The following PCDH15 variants were observed in gnomAD, a reference collection of about 807,000 sequenced individuals.
PCDH15 encodes the protein protocadherin-15.
PCDH15 carries 129 observed loss-of-function variants against 178.5 expected under a neutral mutation model. The observed-to-expected ratio is 0.72, with a 90% CI of 0.63 to 0.84. The LOEUF is 0.84. Among genes scored for constraint, PCDH15 ranks in the 40% least tolerant of loss-of-function variants. The pLI is 0.00. For missense variants in PCDH15, 2,230 were observed against 2,099.9 expected, an observed-to-expected ratio of 1.06 and a Z score of -1.21; for synonymous variants, 800 against 732.0, an observed-to-expected ratio of 1.09 and a Z score of -1.50.
At chr10:54,859,059 C>T (rs1412802346) in intron 3 of PCDH15, among the ~76,000 whole-genome samples, 2 of 151,954 alleles carry the variant, frequency 1.3e-5, no homozygotes, top group African/African-American at 2.4e-5. Context: ...ATCATTATTC[C>T]TCAGGGTAAA....
chr10:55,035,338 C>T (rs1554824696), intron 2 of PCDH15, among the ~76,000 whole-genome samples: 1 of 152,074 alleles, frequency 6.6e-6, no homozygotes, highest in Non-Finnish European at 1.5e-5. Context: ...ATAAAAACTT[C>T]CTGGGCATAG....
intron 20 of PCDH15, among the ~76,000 whole-genome samples, chr10:54,010,983 A>G (rs1014995117): frequency 1.1e-4 from 17 of 152,200 alleles, no homozygotes; most frequent in Non-Finnish European, 2.2e-4. Flanking sequence ...GAGAAGAAAG[A>G]AAGGGCCAAA....
chr10:54,733,064 C>T lies in PCDH15; in HGVS notation c.-29+67861G>A, dbSNP rs76359808. On this transcript the variant is annotated intron_variant, in intron 1 of 37. Transcript: ENST00000644397. ...AAACGTACAGCTAACATTATAATGG[C>T]GAAAGACTGACAAAGCAAGTATATC... 1.4e-3 allele frequency among the ~76,000 whole-genome samples: 206 copies of T among 151,528 alleles called. 2 individuals carry two copies. The East Asian group carries it at 0.033, about 24-fold the overall frequency.
intron 1 of PCDH15, among the ~76,000 whole-genome samples, chr10:54,724,577 A>G (rs1166327786): frequency 6.6e-6 from 1 of 151,614 alleles, no homozygotes; most frequent in Non-Finnish European, 1.5e-5. Flanking sequence ...AGAGAGTAGT[A>G]TATCTTCACT....
At chr10:54,367,165 T>C (rs1364998575) in intron 5 of PCDH15, among the ~76,000 whole-genome samples, 1 of 152,030 alleles carries the variant, frequency 6.6e-6, no homozygotes. Flanking sequence ...GAGATATTTA[T>C]GAGATGTGAG....
intron 1 of PCDH15, among the ~76,000 whole-genome samples, chr10:54,743,864 T>G (rs2132852217): frequency 6.6e-6 from 1 of 152,200 alleles, no homozygotes; most frequent in Middle Eastern, 3.4e-3. Context: ...CAAGGAATTT[T>G]ATTTTCATAA....
intron 25 of PCDH15, among the ~76,000 whole-genome samples, chr10:53,937,767 C>T (rs2134042749): frequency 6.6e-6 from 1 of 152,230 alleles, no homozygotes; most frequent in East Asian, 1.9e-4. Context: ...CTGCCTGTTG[C>T]TCCTGTCTTG....
intron 3 of PCDH15, among the ~76,000 whole-genome samples, chr10:54,840,997 A>G (rs183897859): frequency 5.3e-5 from 8 of 151,904 alleles, no homozygotes; most frequent in Admixed American, 5.3e-4. Context: ...CACCACCCCA[A>G]TTTCCATACT....
intron 17 of PCDH15, among the ~76,000 whole-genome samples, 164 bp downstream of exon 17, chr10:54,079,167 G>A (rs1187468216): frequency 6.6e-6 from 1 of 152,172 alleles, no homozygotes; most frequent in East Asian, 1.9e-4. Flanking sequence ...CAGAGTATAG[G>A]TGCATGTATT....
intron 20 of PCDH15, among the ~76,000 whole-genome samples, chr10:54,009,992 C>A (rs1279109541): frequency 6.6e-6 from 1 of 152,156 alleles, no homozygotes; most frequent in Non-Finnish European, 1.5e-5. Context: ...GCCAAATCCA[C>A]GAGGCTGAGC....
rs1410017153 is a variant in PCDH15, at chr10:53,896,105, TTTTA to T, written c.3501+7134_3501+7137del. Among the ~76,000 whole-genome samples the T allele has an allele frequency of 3.3e-5, 5 of 152,040 alleles. No homozygotes were observed. The South Asian group carries it at 8.3e-4, about 25-fold the overall frequency. On this transcript the variant is annotated intron_variant, in intron 26 of 37. Coordinates refer to ENST00000644397, the MANE Select transcript of PCDH15 (RefSeq NM_001384140.1). ...ACTTGTTTTATTTTAATTGATATTA[TTTTA>T]TTTATTCATTTTATTTATTTATTTA... is the stretch of plus-strand genomic sequence containing the variant.
chr10:55,304,492 A>G (rs1335443081), intron 1 of PCDH15, among the ~76,000 whole-genome samples: 1 of 152,182 alleles, frequency 6.6e-6, no homozygotes, highest in African/African-American at 2.4e-5. Context: ...TATTAACATA[A>G]CATGTTTTTA....
At chr10:54,180,089 A>G (rs2047840562) in intron 13 of PCDH15, among the ~76,000 whole-genome samples, 1 of 152,164 alleles carries the variant, frequency 6.6e-6, no homozygotes, top group Admixed American at 6.6e-5. Flanking sequence ...TCATGCAGTA[A>G]TTTTCCCTTA....
rs534637877 is a variant in PCDH15, at chr10:54,597,841, A to G, written c.91+66331T>C. On this transcript the variant is annotated intron_variant, in intron 2 of 37. Transcript: ENST00000644397. Reference sequence around the variant, plus strand: ...CCACAAAACTACAAATAACCATCAGAGACTACTATGAAATCCTCTATGAAC... The same window carrying G: ...CCACAAAACTACAAATAACCATCAGGGACTACTATGAAATCCTCTATGAAC... 1.7e-4 allele frequency among the ~76,000 whole-genome samples: 26 copies of G among 152,308 alleles called. No homozygotes were observed. In the South Asian group the frequency reaches 5.2e-3, roughly 30 times the overall value.
At chr10:54,599,171 G>T (rs182351720) in intron 2 of PCDH15, among the ~76,000 whole-genome samples, 12 of 151,800 alleles carry the variant, frequency 7.9e-5, no homozygotes, top group Non-Finnish European at 1.8e-4. Flanking sequence ...AATTCATATG[G>T]AACCAAAAAC....
intron 2 of PCDH15, among the ~76,000 whole-genome samples, chr10:55,338,796 AAAAC>A (rs1182221752): frequency 6.6e-6 from 1 of 152,118 alleles, no homozygotes; most frequent in Admixed American, 6.6e-5. Context: ...ACAAAACAAA[AAAAC>A]AAACAAACAA....
chr10:55,371,048 G>A (rs1013467178), intron 2 of PCDH15, among the ~76,000 whole-genome samples: 12 of 152,074 alleles, frequency 7.9e-5, no homozygotes, highest in African/African-American at 2.9e-4. Context: ...AGTTTCTATT[G>A]TTTTGTTGCA....
chr10:55,039,302 A>T (rs987544092), intron 2 of PCDH15, among the ~76,000 whole-genome samples: 1 of 152,300 alleles, frequency 6.6e-6, no homozygotes, highest in Admixed American at 6.5e-5. Flanking sequence ...ACTAAAACAA[A>T]AAAAGACATG....
At chr10:54,080,684 C>T (rs933435881) in intron 16 of PCDH15, among the ~76,000 whole-genome samples, 4 of 152,104 alleles carry the variant, frequency 2.6e-5, no homozygotes, top group Non-Finnish European at 4.4e-5. Flanking sequence ...TAATGGTTGA[C>T]GTGGACTTTT....
Sources: gnomAD v4.1 joint callset for allele counts (sites outside exome capture counted in the v4.1 genomes callset) on GRCh38, gnomAD v4.1.1 for gene constraint, MANE v1.5 for transcripts, NCBI Gene and HGNC (gene_info 2026-07-23, HGNC 2026-07-21) for gene names.